RNASE4: variants seen among roughly 807,000 people sequenced by gnomAD.
The protein encoded by RNASE4 is ribonuclease 4.
For missense variants in RNASE4, 194 were observed against 192.8 expected (o/e 1.01, Z -0.04); for synonymous variants, 93 against 71.4 (o/e 1.30, Z -1.52).
chr14:20,696,919 T>C (rs1887112141), intron 1 of RNASE4, among the ~76,000 whole-genome samples: 2 of 152,208 alleles, frequency 1.3e-5, no homozygotes, highest in African/African-American at 4.8e-5. Context: ...ACAGCCTCAG[T>C]CTTTTAGACC....
intron 1 of RNASE4, chr14:20,693,386 C>A: frequency 1.1e-6 from 1 of 892,206 alleles, no homozygotes. Context: ...AAGGGATTGA[C>A]GAAGTGTGAG....
chr14:20,686,036 T>TC lies in RNASE4; in HGVS notation c.-18+1279dup, dbSNP rs1195760949. On this transcript the variant is annotated intron_variant, in intron 1 of 1. Transcript: ENST00000555835. Reference sequence around the variant, plus strand: ...GCCTGGGTGACAGAGCAAGACTCCGTCTTAAAAAAAAAAAAAAAAAAAATT... The same window carrying TC: ...GCCTGGGTGACAGAGCAAGACTCCGTCCTTAAAAAAAAAAAAAAAAAAAATT... 2.0e-3 allele frequency among the ~76,000 whole-genome samples: 207 copies of TC among 101,168 alleles called. 1 individual carries two copies. Among genetic ancestry groups the TC allele is most frequent in the Non-Finnish European group, 2.3e-3 (117 of 50,990 alleles). The allele number at this position is 101,168 out of a possible 152,430, so 66.4% of individuals were successfully genotyped here.
chr14:20,699,772 C>T lies in RNASE4; in HGVS notation c.401C>T (p.Ala134Val), dbSNP rs768331262. 5 of 1,612,416 alleles carry T rather than the reference C, an allele frequency of 3.1e-6. No homozygotes were observed. In the East Asian group the frequency reaches 6.7e-5, roughly 22 times the overall value. The part of the protein sequence containing the change: ...AIASTRRVVI[A>V]CEGNPQVPVH... ...GCGAGCACTAGACGTGTTGTCATTGCCTGTGAGGGTAACCCACAGGTGCCT... is the reference window on the plus strand; with the variant it reads ...GCGAGCACTAGACGTGTTGTCATTGTCTGTGAGGGTAACCCACAGGTGCCT... The change falls in exon 2 of 2, where the codon GCC becomes GTC. Residue 134 changes from alanine (A) to valine (V), a missense_variant. By Grantham distance (64) the Ala-to-Val change is moderately conservative. Transcript: ENST00000555835.
At chr14:20,696,552 AT>A (rs1887100155) in intron 1 of RNASE4, among the ~76,000 whole-genome samples, 1 of 152,050 alleles carries the variant, frequency 6.6e-6, no homozygotes, top group South Asian at 2.1e-4. Flanking sequence ...GAGAAGAAAC[AT>A]TTTTCTAGGA....
At chr14:20,691,534 C>G (rs1933404905) in intron 1 of RNASE4, among the ~76,000 whole-genome samples, 1 of 152,174 alleles carries the variant, frequency 6.6e-6, no homozygotes, top group Admixed American at 6.5e-5. Context: ...ACTTGTTACT[C>G]CTTTAGGGCT....
At chr14:20,691,732 A>G in intron 1 of RNASE4, among the ~76,000 whole-genome samples, 1 of 152,260 alleles carries the variant, frequency 6.6e-6, no homozygotes, top group East Asian at 1.9e-4. Context: ...TTCCACAATA[A>G]TGGAGTAAAT....
At chr14:20,689,792 T>G (rs1461762044) in intron 1 of RNASE4, among the ~76,000 whole-genome samples, 1 of 151,526 alleles carries the variant, frequency 6.6e-6, no homozygotes, top group Non-Finnish European at 1.5e-5. Context: ...GGTGGCCGCC[T>G]GTAATCCCAG....
intron 1 of RNASE4, 91 bp from the exon 2 acceptor site, chr14:20,699,264 T>G: frequency 9.5e-7 from 1 of 1,054,560 alleles, no homozygotes; most frequent in South Asian, 1.6e-5. Flanking sequence ...GAGGAGACTA[T>G]GGAGTCAGGA....
chr14:20,691,123 T>A (rs1210754198), intron 1 of RNASE4, among the ~76,000 whole-genome samples: 1 of 152,188 alleles, frequency 6.6e-6, no homozygotes, highest in African/African-American at 2.4e-5. Context: ...TGAACAGCAA[T>A]ATCCCCACAA....
At chr14:20,692,958 C>T in intron 1 of RNASE4, among the ~76,000 whole-genome samples, 1 of 152,032 alleles carries the variant, frequency 6.6e-6, no homozygotes, top group Non-Finnish European at 1.5e-5. Flanking sequence ...CGCCATTCTC[C>T]TGCCTCAGCC....
chr14:20,689,877 C>T (rs1425434170), intron 1 of RNASE4, among the ~76,000 whole-genome samples: 1 of 145,670 alleles, frequency 6.9e-6, no homozygotes, highest in African/African-American at 2.6e-5. Flanking sequence ...GATAGCACCA[C>T]TGCGATCTAG....
intron 1 of RNASE4, among the ~76,000 whole-genome samples, chr14:20,697,529 G>A (rs1887134459): frequency 6.6e-6 from 1 of 152,148 alleles, no homozygotes; most frequent in South Asian, 2.1e-4. Context: ...GGATATAGGA[G>A]GTGGCATTTA....
At position 20,700,010 on chromosome 14, in the gene RNASE4, G is replaced by T; in HGVS notation, c.*195G>T. The T allele has an allele frequency of 1.7e-6, 1 of 594,872 alleles. No homozygotes were observed. The highest frequency in any genetic ancestry group is 3.0e-6 in the Non-Finnish European group (1 of 329,800). 36.8% of individuals were successfully genotyped at this position (594,872 alleles called of 1,614,324 possible). ...ACATAAACCTGTAATGAATGAGGCT[G>T]GGCTTTTCTGTAATAAGCTTCCTTT... On this transcript the variant is annotated 3_prime_UTR_variant, in exon 2 of 2. Coordinates refer to ENST00000555835, the MANE Select transcript of RNASE4 (RefSeq NM_002937.5).
intron 1 of RNASE4, chr14:20,693,484 C>T (rs1886911925): frequency 6.3e-7 from 1 of 1,595,002 alleles, no homozygotes; most frequent in Non-Finnish European, 8.5e-7. Context: ...AAGCTCCTGT[C>T]CTTTTGGCCT....
At chr14:20,698,061 G>T (rs1425543657) in intron 1 of RNASE4, among the ~76,000 whole-genome samples, 1 of 152,214 alleles carries the variant, frequency 6.6e-6, no homozygotes, top group East Asian at 1.9e-4. Flanking sequence ...AGAGGCAGTA[G>T]ATAGTGGAAA....
intron 1 of RNASE4, among the ~76,000 whole-genome samples, chr14:20,692,698 C>T (rs1334554592): frequency 1.3e-5 from 2 of 152,202 alleles, no homozygotes; most frequent in Non-Finnish European, 2.9e-5. Context: ...CAAAAATGAT[C>T]CCTGGTGCCA....
chr14:20,694,680 G>T (rs1887017689), intron 1 of RNASE4, among the ~76,000 whole-genome samples: 1 of 152,106 alleles, frequency 6.6e-6, no homozygotes, highest in Non-Finnish European at 1.5e-5. Context: ...ATGGTATGTT[G>T]ATCTACAGAG....
At chr14:20,693,927 A>G (rs2228653) in intron 1 of RNASE4, 1 of 1,614,038 alleles carries the variant, frequency 6.2e-7, no homozygotes. Context: ...ACCGAGCCAC[A>G]GCGGGGTTCA....
At chr14:20,687,754 A>G (rs1308377702) in intron 1 of RNASE4, among the ~76,000 whole-genome samples, 1 of 152,210 alleles carries the variant, frequency 6.6e-6, no homozygotes, top group East Asian at 1.9e-4. Flanking sequence ...TGCACTGAAT[A>G]TTATAATTAT....
Sources: gnomAD v4.1 joint callset for allele counts (sites outside exome capture counted in the v4.1 genomes callset) on GRCh38, gnomAD v4.1.1 for gene constraint, MANE v1.5 for transcripts, NCBI Gene and HGNC (gene_info 2026-07-23, HGNC 2026-07-21) for gene names.